CORO1C: variants seen among roughly 807,000 people sequenced by gnomAD.
CORO1C encodes coronin-1C.
Under a neutral mutation model 51.2 loss-of-function variants are expected in CORO1C, and 14 were observed. That is an observed-to-expected ratio of 0.27 (90% CI 0.18 to 0.43). The LOEUF is 0.43. CORO1C is among the 20% of genes least tolerant of loss of function. CORO1C has a pLI of 1.00. For synonymous variants in CORO1C, 181 were observed against 210.5 expected, an observed-to-expected ratio of 0.86 and a Z score of 1.21; for missense variants, 417 against 607.8, an observed-to-expected ratio of 0.69 and a Z score of 3.30.
intron 2 of CORO1C, among the ~76,000 whole-genome samples, chr12:108,696,042 A>G (rs372724972): frequency 6.6e-6 from 1 of 152,134 alleles, no homozygotes; most frequent in African/African-American, 2.4e-5. Flanking sequence ...TGTGTATAAG[A>G]AAGTACCACA....
intron 2 of CORO1C, among the ~76,000 whole-genome samples, chr12:108,687,109 A>G (rs2034321065): frequency 6.6e-6 from 1 of 152,194 alleles, no homozygotes; most frequent in South Asian, 2.1e-4. Flanking sequence ...TGATACTTCA[A>G]CTAAACCCAC....
At chr12:108,687,739 C>A (rs1320841857) in intron 2 of CORO1C, among the ~76,000 whole-genome samples, 2 of 151,666 alleles carry the variant, frequency 1.3e-5, no homozygotes. Context: ...GAGCCAAGAT[C>A]GCGCCAGTGT....
chr12:108,671,562 G>A (rs1356253341), intron 3 of CORO1C, among the ~76,000 whole-genome samples: 5 of 149,522 alleles, frequency 3.3e-5, no homozygotes, highest in Non-Finnish European at 7.4e-5. Context: ...TACCAACTCA[G>A]AATGACCAAC....
At chr12:108,698,608 C>T (rs368069278) in intron 2 of CORO1C, among the ~76,000 whole-genome samples, 7 of 152,114 alleles carry the variant, frequency 4.6e-5, no homozygotes, top group African/African-American at 1.7e-4. Flanking sequence ...GGTTTCACCA[C>T]GTTGTCCAGG....
In CORO1C at chr12:108,701,594, T is replaced by C. The variant is rs541611409; in HGVS notation, c.-5-271A>G. The C allele has an allele frequency of 1.5e-5, 7 of 457,718 alleles. No homozygotes were observed. The South Asian group carries it at 1.6e-4, about 11-fold the overall frequency. 28.4% of individuals were successfully genotyped at this position (457,718 alleles called of 1,614,324 possible). The stretch of plus-strand genomic sequence containing the variant: ...ATCAGTTTTAATTTCAATGGAAAGA[T>C]TAAGGGAAAGAATTAAAGAAAATTA... On this transcript the variant is annotated intron_variant, in intron 1 of 10. Transcript: ENST00000261401.
intron 2 of CORO1C, among the ~76,000 whole-genome samples, chr12:108,686,573 A>G (rs1249511786): frequency 6.6e-6 from 1 of 152,236 alleles, no homozygotes; most frequent in East Asian, 1.9e-4. Flanking sequence ...TGTAATAGCC[A>G]TTAGACTCCT....
At chr12:108,708,779 G>C (rs2035100510) in intron 1 of CORO1C, among the ~76,000 whole-genome samples, 1 of 151,888 alleles carries the variant, frequency 6.6e-6, no homozygotes, top group Non-Finnish European at 1.5e-5. Context: ...TATTTTTTTA[G>C]AGACAGAGTC....
chr12:108,673,911 T>A (rs1042318196), intron 3 of CORO1C, among the ~76,000 whole-genome samples: 1 of 151,586 alleles, frequency 6.6e-6, no homozygotes, highest in African/African-American at 2.4e-5. Flanking sequence ...AAATAAATAA[T>A]TATGCTAAAT....
At chr12:108,718,251 G>A (rs2035387753) in intron 1 of CORO1C, among the ~76,000 whole-genome samples, 2 of 152,162 alleles carry the variant, frequency 1.3e-5, no homozygotes, top group Admixed American at 1.3e-4. Flanking sequence ...TACTCGGGAG[G>A]CTGAGGCAGG....
intron 2 of CORO1C, among the ~76,000 whole-genome samples, chr12:108,691,082 T>C (rs551795591): frequency 3.8e-4 from 57 of 151,868 alleles, no homozygotes; most frequent in Non-Finnish European, 6.5e-4. Flanking sequence ...TAGAAAAATA[T>C]TACAACTTTT....
At position 108,652,370 on chromosome 12, in the gene CORO1C, G is replaced by A. The variant is rs1473682995; in HGVS notation, c.903C>T (p.Tyr301=). The change falls in exon 8 of 11, where the codon TAC becomes TAT. Residue 301 remains tyrosine (Y), a synonymous_variant. Transcript: ENST00000261401. ...RYFEITDESP[Y]VHYLNTFSSK... ...TGCTGAATGTGTTGAGGTAGTGGAC[G>A]TACGGGGATTCATCCGTGATCTCAA... 3.1e-6 allele frequency: 5 copies of A among 1,613,304 alleles called. No individual in the cohort carries two copies. In the Admixed American group the frequency reaches 5.0e-5, roughly 16 times the overall value.
At chr12:108,710,241 C>A (rs1345801525) in intron 1 of CORO1C, among the ~76,000 whole-genome samples, 1 of 152,162 alleles carries the variant, frequency 6.6e-6, no homozygotes, top group East Asian at 1.9e-4. Flanking sequence ...TTGGTTGAAA[C>A]CTCTATCTTA....
In CORO1C at chr12:108,647,041, T is replaced by TA. The variant is rs34122937; in HGVS notation, c.*361dup. On this transcript the variant is annotated 3_prime_UTR_variant, in exon 11 of 11. Transcript: ENST00000261401. ...CAATGTGGCATTGGTCCCTATTCAT[T>TA]AAAAAAAAAAGGGTACTTGGGCACG... 1.6e-3 allele frequency: 252 copies of TA among 162,130 alleles called. No homozygotes were observed. The highest frequency in any genetic ancestry group is 1.9e-3 in the Non-Finnish European group (148 of 75,902). 10.0% of individuals were successfully genotyped at this position (162,130 alleles called of 1,614,324 possible).
chr12:108,700,203 A>G (rs1178931231), intron 2 of CORO1C, among the ~76,000 whole-genome samples: 1 of 152,140 alleles, frequency 6.6e-6, no homozygotes, highest in Non-Finnish European at 1.5e-5. Context: ...CAGCTGTCAT[A>G]CGACCCAACA....
At chr12:108,665,865 C>T (rs1439179533) in intron 3 of CORO1C, among the ~76,000 whole-genome samples, 2 of 152,154 alleles carry the variant, frequency 1.3e-5, no homozygotes, top group African/African-American at 2.4e-5. Flanking sequence ...TTCACCTAAC[C>T]TTTCCAGGAC....
intron 1 of CORO1C, among the ~76,000 whole-genome samples, chr12:108,724,220 A>G (rs2035536735): frequency 6.6e-6 from 1 of 152,232 alleles, no homozygotes; most frequent in Admixed American, 6.5e-5. Flanking sequence ...CTCCGTGAAT[A>G]GGCTTGGTTT....
At chr12:108,680,420 C>A (rs916385655) in intron 2 of CORO1C, among the ~76,000 whole-genome samples, 1 of 152,188 alleles carries the variant, frequency 6.6e-6, no homozygotes, top group Non-Finnish European at 1.5e-5. Context: ...AAAGGAAATT[C>A]CAATGAACAC....
intron 3 of CORO1C, among the ~76,000 whole-genome samples, chr12:108,677,118 C>G (rs12301079): frequency 0.11 from 17,385 of 152,160 alleles, 1,418 homozygotes; most frequent in African/African-American, 0.22. Flanking sequence ...CATGGTTCTC[C>G]AATGCTGACA....
intron 8 of CORO1C, among the ~76,000 whole-genome samples, chr12:108,651,442 C>T (rs1417415908): frequency 6.6e-6 from 1 of 152,170 alleles, no homozygotes; most frequent in African/African-American, 2.4e-5. Flanking sequence ...AGAAGTAGTA[C>T]AGAGAGGTAG....
Sources: allele counts gnomAD v4.1 joint callset (sites outside exome capture counted in the v4.1 genomes callset), GRCh38; gene constraint gnomAD v4.1.1; transcripts MANE v1.5; gene names NCBI Gene and HGNC (gene_info 2026-07-23, HGNC 2026-07-21).